AMOTL1: variants seen among roughly 807,000 people sequenced by gnomAD.
The protein encoded by AMOTL1 is angiomotin-like protein 1.
In AMOTL1, 45 loss-of-function variants were observed where a neutral mutation model predicts 102.9. That is an observed-to-expected ratio of 0.44 (90% confidence interval 0.34 to 0.56). The LOEUF is 0.56. Ranked by LOEUF, AMOTL1 falls within the 20% of genes least tolerant of loss-of-function variation. The pLI is 0.01. For synonymous variants in AMOTL1, 481 were observed against 484.7 expected (o/e 0.99, Z 0.10); for missense variants, 1,114 against 1,225.6 (o/e 0.91, Z 1.36).
At chr11:94,859,840 A>T in intron 9 of AMOTL1, 125 bp downstream of exon 9, 2 of 1,097,748 alleles carry the variant, frequency 1.8e-6, no homozygotes, top group Non-Finnish European at 2.4e-6. Context: ...AATTATTTTT[A>T]AGTAGTTACA....
intron 1 of AMOTL1, among the ~76,000 whole-genome samples, chr11:94,723,240 G>A (rs1408067238): frequency 3.9e-5 from 6 of 151,996 alleles, no homozygotes; most frequent in Non-Finnish European, 8.8e-5. Context: ...TCTAATGGAA[G>A]AGTATTATCC....
chr11:94,720,419 A>G (rs1019902818), intron 1 of AMOTL1, among the ~76,000 whole-genome samples: 9 of 152,058 alleles, frequency 5.9e-5, no homozygotes, highest in Non-Finnish European at 1.0e-4. Flanking sequence ...CAGGAATCAC[A>G]GTTATTTTGA....
At chr11:94,774,519 C>A (rs1950996709) in intron 1 of AMOTL1, among the ~76,000 whole-genome samples, 1 of 152,132 alleles carries the variant, frequency 6.6e-6, no homozygotes, top group South Asian at 2.1e-4. Context: ...TCTTGATGAC[C>A]AAGTTGTTTA....
At chr11:94,739,064 G>C (rs760162281) in intron 2 of AMOTL1, among the ~76,000 whole-genome samples, 1 of 152,190 alleles carries the variant, frequency 6.6e-6, no homozygotes, top group Non-Finnish European at 1.5e-5. Context: ...TTATCTTCAA[G>C]AAATGAGGTA....
chr11:94,730,185 A>T (rs971621425), intron 2 of AMOTL1, among the ~76,000 whole-genome samples: 1 of 152,070 alleles, frequency 6.6e-6, no homozygotes, highest in African/African-American at 2.4e-5. Flanking sequence ...AGTTCAACAC[A>T]CAGCCCTTCC....
intron 3 of AMOTL1, among the ~76,000 whole-genome samples, chr11:94,763,341 A>G (rs566785264): frequency 6.6e-6 from 1 of 152,186 alleles, no homozygotes; most frequent in African/African-American, 2.4e-5. Flanking sequence ...TCCCTGAATT[A>G]TGCTCCTGCC....
intron 6 of AMOTL1, among the ~76,000 whole-genome samples, chr11:94,832,783 A>C (rs1159877665): frequency 6.6e-6 from 1 of 152,250 alleles, no homozygotes; most frequent in African/African-American, 2.4e-5. Context: ...GGATGACCGC[A>C]TGCCTAGGTA....
chr11:94,762,261 CA>C (rs1487549679), intron 3 of AMOTL1, among the ~76,000 whole-genome samples: 8 of 152,204 alleles, frequency 5.3e-5, no homozygotes, highest in African/African-American at 1.7e-4. Context: ...ATGGAATGAT[CA>C]ATATGATTAG....
intron 6 of AMOTL1, among the ~76,000 whole-genome samples, chr11:94,839,157 T>C (rs1476602449): frequency 6.6e-6 from 1 of 152,236 alleles, no homozygotes; most frequent in Non-Finnish European, 1.5e-5. Context: ...GCTGTGGAGC[T>C]GCTGGTTACA....
chr11:94,861,855 C>T (rs1435553715), intron 9 of AMOTL1, among the ~76,000 whole-genome samples: 5 of 152,024 alleles, frequency 3.3e-5, no homozygotes, highest in African/African-American at 7.3e-5. Context: ...ATTCAGAAGT[C>T]GGGAAATGAA....
intron 1 of AMOTL1, among the ~76,000 whole-genome samples, chr11:94,776,885 C>T (rs941268050): frequency 2.0e-5 from 3 of 152,188 alleles, no homozygotes; most frequent in Non-Finnish European, 4.4e-5. Context: ...TCCTAAATAT[C>T]ACTGCAGTTA....
intron 3 of AMOTL1, among the ~76,000 whole-genome samples, chr11:94,748,844 A>G (rs1179500981): frequency 6.6e-6 from 1 of 152,102 alleles, no homozygotes; most frequent in African/African-American, 2.4e-5. Flanking sequence ...AAGAAAGAGA[A>G]CTCAGTGTAC....
intron 2 of AMOTL1, among the ~76,000 whole-genome samples, chr11:94,732,575 T>C (rs1361345687): frequency 6.6e-6 from 1 of 152,238 alleles, no homozygotes; most frequent in Non-Finnish European, 1.5e-5. Flanking sequence ...AGACAGTGTT[T>C]GGCCACTGTC....
At chr11:94,749,144 G>C (rs1184295426) in intron 3 of AMOTL1, among the ~76,000 whole-genome samples, 3 of 152,194 alleles carry the variant, frequency 2.0e-5, no homozygotes, top group African/African-American at 7.2e-5. Flanking sequence ...GCCATGGTGA[G>C]CCTCAGTCCA....
intron 4 of AMOTL1, among the ~76,000 whole-genome samples, chr11:94,826,248 G>T (rs1016681573): frequency 2.6e-5 from 4 of 152,176 alleles, no homozygotes; most frequent in Admixed American, 1.3e-4. Flanking sequence ...AGCCAAGATT[G>T]TGTCACTGCA....
chr11:94,851,171 T>C (rs1196702954), intron 7 of AMOTL1, among the ~76,000 whole-genome samples: 1 of 152,174 alleles, frequency 6.6e-6, no homozygotes, highest in African/African-American at 2.4e-5. Context: ...GTATTAAATA[T>C]GAAAACACTT....
intron 1 of AMOTL1, among the ~76,000 whole-genome samples, chr11:94,717,040 G>T (rs553390074): frequency 6.6e-6 from 1 of 152,060 alleles, no homozygotes; most frequent in South Asian, 2.1e-4. Flanking sequence ...TGCTATGCCT[G>T]TTGGTGGTTT....
chr11:94,775,731 G>C (rs1297558395), intron 1 of AMOTL1, among the ~76,000 whole-genome samples: 1 of 152,212 alleles, frequency 6.6e-6, no homozygotes, highest in African/African-American at 2.4e-5. Flanking sequence ...GATTGGCTCT[G>C]TTGTCTGATG....
intron 7 of AMOTL1, among the ~76,000 whole-genome samples, chr11:94,852,261 TCTC>T (rs1392439008): frequency 6.6e-6 from 1 of 152,224 alleles, no homozygotes; most frequent in Non-Finnish European, 1.5e-5. Context: ...AAAGTTGCTC[TCTC>T]CTCCTTGAAA....
Sources: gnomAD v4.1 joint callset for allele counts (sites outside exome capture counted in the v4.1 genomes callset) on GRCh38, gnomAD v4.1.1 for gene constraint, MANE v1.5 for transcripts, NCBI Gene and HGNC (gene_info 2026-07-23, HGNC 2026-07-21) for gene names.